The following PELI2 variants were observed in gnomAD, a reference collection of about 807,000 sequenced individuals.
The protein encoded by PELI2 is E3 ubiquitin-protein ligase pellino homolog 2.
Under a neutral mutation model 42.3 loss-of-function variants are expected in PELI2, and 23 were observed. The observed-to-expected ratio is 0.54, with a 90% CI of 0.39 to 0.77. The LOEUF is 0.77. PELI2 is among the 30% of genes least tolerant of loss of function. The pLI is 0.00. For missense variants in PELI2, 463 were observed against 553.2 expected, an observed-to-expected ratio of 0.84 and a Z score of 1.64; for synonymous variants, 245 against 212.2, an observed-to-expected ratio of 1.15 and a Z score of -1.34.
At chr14:56,280,305 T>A (rs1889436776) in intron 3 of PELI2, among the ~76,000 whole-genome samples, 1 of 151,916 alleles carries the variant, frequency 6.6e-6, no homozygotes, top group Admixed American at 6.6e-5. Flanking sequence ...AGTACAGCAA[T>A]TAAGAAAGTA....
At chr14:56,248,845 A>G (rs1888248012) in intron 2 of PELI2, among the ~76,000 whole-genome samples, 1 of 151,442 alleles carries the variant, frequency 6.6e-6, no homozygotes, top group African/African-American at 2.4e-5. Context: ...ATGCCATGAG[A>G]AGGGCAGTCC....
chr14:56,127,249 G>A (rs549727219), intron 1 of PELI2, among the ~76,000 whole-genome samples: 1 of 152,284 alleles, frequency 6.6e-6, no homozygotes, highest in Admixed American at 6.5e-5. Context: ...TCACCCAGGA[G>A]AGCTAATGCA....
Position 56,297,127 on chromosome 14 carries a change from A to G in PELI2, c.1224A>G (p.Gln408=). 3 of 1,603,110 alleles carry G rather than the reference A, an allele frequency of 1.9e-6. No individual in the cohort carries two copies. Among genetic ancestry groups the G allele is most frequent in the African/African-American group, 2.7e-5 (2 of 75,042 alleles). Reference sequence around the variant, plus strand: ...GTGCTACACAGCTGGTTGGGGAGCAAAACTGCATCAAATTAATTTTCCAAG... The same window carrying G: ...GTGCTACACAGCTGGTTGGGGAGCAGAACTGCATCAAATTAATTTTCCAAG... ...PFCATQLVGE[Q]NCIKLIFQGP... is the part of the protein sequence containing the mutation. The change falls in exon 6 of 6, where the codon CAA becomes CAG. Residue 408 remains glutamine (Q), a synonymous_variant. Transcript: ENST00000267460.
At chr14:56,261,181 C>G (rs1427882345) in intron 2 of PELI2, among the ~76,000 whole-genome samples, 1 of 152,112 alleles carries the variant, frequency 6.6e-6, no homozygotes, top group Non-Finnish European at 1.5e-5. Context: ...CTAAAAACTT[C>G]TGAATAATAT....
chr14:56,150,744 G>A (rs1045757778), intron 1 of PELI2, among the ~76,000 whole-genome samples: 1 of 152,126 alleles, frequency 6.6e-6, no homozygotes, highest in Non-Finnish European at 1.5e-5. Context: ...CGACAAAGAA[G>A]CCAAGTTTAA....
At chr14:56,134,573 A>T (rs527975777) in intron 1 of PELI2, among the ~76,000 whole-genome samples, 1 of 152,034 alleles carries the variant, frequency 6.6e-6, no homozygotes, top group East Asian at 1.9e-4. Flanking sequence ...GCCAATTTTG[A>T]TGTATTCTTT....
At chr14:56,176,728 T>C (rs1454112062) in intron 1 of PELI2, among the ~76,000 whole-genome samples, 1 of 152,198 alleles carries the variant, frequency 6.6e-6, no homozygotes, top group Non-Finnish European at 1.5e-5. Flanking sequence ...ACATTATTGC[T>C]GTCAAGTGCA....
intron 1 of PELI2, among the ~76,000 whole-genome samples, chr14:56,176,100 A>G (rs1374983682): frequency 6.6e-6 from 1 of 152,246 alleles, no homozygotes; most frequent in African/African-American, 2.4e-5. Flanking sequence ...CTGGCCAGTC[A>G]GCCCCAGAGT....
At chr14:56,174,245 T>C (rs1885288245) in intron 1 of PELI2, among the ~76,000 whole-genome samples, 1 of 152,222 alleles carries the variant, frequency 6.6e-6, no homozygotes, top group Non-Finnish European at 1.5e-5. Flanking sequence ...CCACTGTACA[T>C]AGATCCCCAT....
At chr14:56,243,704 G>A (rs1888057333) in intron 2 of PELI2, among the ~76,000 whole-genome samples, 1 of 152,110 alleles carries the variant, frequency 6.6e-6, no homozygotes. Flanking sequence ...CAGTACCTCA[G>A]AAGTGGTTCT....
intron 2 of PELI2, among the ~76,000 whole-genome samples, chr14:56,181,249 C>T (rs369584969): frequency 7.6e-4 from 115 of 151,384 alleles, no homozygotes; most frequent in African/African-American, 2.7e-3. Context: ...CCAGGTATAT[C>T]TTAATTCCAC....
At chr14:56,119,027 C>A (rs1882960980) in intron 1 of PELI2, 1 of 164,148 alleles carries the variant, frequency 6.1e-6, no homozygotes, top group African/African-American at 2.4e-5. Context: ...GCACCGGGTC[C>A]GCGGCCGTAT....
intron 2 of PELI2, among the ~76,000 whole-genome samples, chr14:56,215,620 T>C (rs1886883100): frequency 6.6e-6 from 1 of 152,388 alleles, no homozygotes. Flanking sequence ...AATACTATTT[T>C]AATTTAACTC....
intron 1 of PELI2, chr14:56,119,640 TTAA>T (rs1364503213): frequency 6.1e-6 from 2 of 327,680 alleles, no homozygotes; most frequent in South Asian, 2.4e-4. Flanking sequence ...TTGTTTACCC[TTAA>T]TAAGCCAGGA....
intron 1 of PELI2, among the ~76,000 whole-genome samples, chr14:56,139,056 G>C (rs1194471594): frequency 6.6e-6 from 1 of 152,220 alleles, no homozygotes; most frequent in African/African-American, 2.4e-5. Flanking sequence ...AGACAGCTGG[G>C]TTGAGGGGGA....
chr14:56,138,706 A>G (rs1335778871), intron 1 of PELI2, among the ~76,000 whole-genome samples: 2 of 152,212 alleles, frequency 1.3e-5, no homozygotes, highest in African/African-American at 4.8e-5. Flanking sequence ...CATTTATTCC[A>G]TTTCAGACTA....
Position 56,219,498 on chromosome 14 carries a change from G to A in PELI2, c.207+41034G>A, listed in dbSNP as rs1444477124. ...TACCCCTCAGCACTCAGCTATCACA[G>A]TCATAGCTCTCTCATCTGAGCAGCC... On this transcript the variant is annotated intron_variant, in intron 2 of 5. Transcript: ENST00000267460. The surrounding 1 kb of genome is among the most constrained non-coding windows in gnomAD (Gnocchi z 4.1). 1.3e-5 allele frequency among the ~76,000 whole-genome samples: 2 copies of A among 152,116 alleles called. No homozygotes were observed. Among genetic ancestry groups the A allele is most frequent in the Non-Finnish European group, 1.5e-5 (1 of 68,038 alleles).
chr14:56,199,098 T>C (rs1886240879), intron 2 of PELI2, among the ~76,000 whole-genome samples: 1 of 152,230 alleles, frequency 6.6e-6, no homozygotes, highest in African/African-American at 2.4e-5. Flanking sequence ...TTTTACCTTG[T>C]ATCTTTCCCC....
intron 2 of PELI2, among the ~76,000 whole-genome samples, chr14:56,233,003 A>G (rs1887643444): frequency 6.6e-6 from 1 of 152,170 alleles, no homozygotes; most frequent in Non-Finnish European, 1.5e-5. Flanking sequence ...TCCCATTCAC[A>G]GTTGCTTCAA....
Sources: allele counts gnomAD v4.1 joint callset (sites outside exome capture counted in the v4.1 genomes callset), GRCh38; gene constraint gnomAD v4.1.1; non-coding constraint Gnocchi (gnomAD v3.1); transcripts MANE v1.5; gene names NCBI Gene and HGNC (gene_info 2026-07-23, HGNC 2026-07-21).